Variants in PDS5A observed in about 807,000 individuals in gnomAD.
The protein encoded by PDS5A is PDS5 cohesin associated factor A.
A neutral mutation model predicts 167.1 loss-of-function variants in PDS5A; 42 were observed. The observed-to-expected ratio is 0.25, with a 90% CI of 0.20 to 0.33. PDS5A has a LOEUF of 0.33. Ranked by LOEUF, PDS5A falls within the 10% of genes least tolerant of loss-of-function variation. The pLI is 1.00. For missense variants in PDS5A, 1,033 were observed against 1,605.9 expected, an observed-to-expected ratio of 0.64 and a Z score of 6.10; for synonymous variants, 553 against 554.6, an observed-to-expected ratio of 1.00 and a Z score of 0.04.
intron 3 of PDS5A, 55 bp downstream of exon 3, chr4:39,927,906 C>A: frequency 1.7e-6 from 2 of 1,183,754 alleles, no homozygotes; most frequent in South Asian, 1.3e-5. Context: ...TAAAAGTATA[C>A]CTTCTGAACA....
In PDS5A at chr4:39,968,433, AT is replaced by A. The variant is rs375287668; in HGVS notation, c.138+8006del. Among the ~76,000 whole-genome samples, 1,220 of 134,552 alleles carry A rather than the reference AT, an allele frequency of 9.1e-3. 8 individuals carry two copies. Among genetic ancestry groups the A allele is most frequent in the South Asian group, 0.024 (103 of 4,268 alleles). The allele number at this position is 134,552 out of a possible 152,430, so 88.3% of individuals were successfully genotyped here. ...CTTAGATTACTTAATTATAATATTA[AT>A]TTTTTTTTTTTTTTTGAGACAGAGT... On this transcript the variant is annotated intron_variant, in intron 2 of 32. Transcript: ENST00000303538.
chr4:39,905,568 CA>C (rs1448896201), intron 11 of PDS5A, among the ~76,000 whole-genome samples: 1 of 151,656 alleles, frequency 6.6e-6, no homozygotes, highest in Non-Finnish European at 1.5e-5. Flanking sequence ...AACAAAAAAA[CA>C]AAAAACAAAA....
chr4:39,917,821 G>C (rs1459429070), intron 7 of PDS5A, among the ~76,000 whole-genome samples: 1 of 152,010 alleles, frequency 6.6e-6, no homozygotes, highest in Non-Finnish European at 1.5e-5. Context: ...GTGATCTACA[G>C]GCCTCGGCCT....
At chr4:39,888,917 AT>A (rs1721729226) in intron 17 of PDS5A, among the ~76,000 whole-genome samples, 1 of 152,210 alleles carries the variant, frequency 6.6e-6, no homozygotes, top group Admixed American at 6.5e-5. Context: ...ATAAAGATGA[AT>A]ATTTAAGGTG....
intron 6 of PDS5A, among the ~76,000 whole-genome samples, chr4:39,921,966 G>C (rs1578747959): frequency 6.6e-6 from 1 of 152,166 alleles, no homozygotes; most frequent in Non-Finnish European, 1.5e-5. Flanking sequence ...TAATTGGACA[G>C]ATTTTTCCTC....
chr4:39,919,740 A>C (rs1039763530), intron 7 of PDS5A, among the ~76,000 whole-genome samples: 6 of 152,238 alleles, frequency 3.9e-5, no homozygotes, highest in Non-Finnish European at 8.8e-5. Flanking sequence ...GTGAGATTGC[A>C]AACTTTTTTT....
intron 2 of PDS5A, among the ~76,000 whole-genome samples, chr4:39,944,706 A>C (rs917472455): frequency 1.5e-4 from 23 of 151,754 alleles, no homozygotes; most frequent in East Asian, 3.8e-4. Context: ...AAAAAAAAAA[A>C]AAAAACAAAA....
chr4:39,866,046 A>T (rs781269930), intron 23 of PDS5A, among the ~76,000 whole-genome samples: 30 of 152,222 alleles, frequency 2.0e-4, no homozygotes, highest in Non-Finnish European at 3.8e-4. Flanking sequence ...ACAAGTGTAC[A>T]CACCCAAATC....
chr4:39,846,160 A>G (rs750852598), intron 28 of PDS5A: 6 of 194,606 alleles, frequency 3.1e-5, no homozygotes, highest in Non-Finnish European at 6.2e-5. Flanking sequence ...ATACGGTTCA[A>G]TGCAGTTTAT....
intron 2 of PDS5A, among the ~76,000 whole-genome samples, chr4:39,960,346 A>C (rs1729367345): frequency 6.6e-6 from 1 of 152,208 alleles, no homozygotes; most frequent in Non-Finnish European, 1.5e-5. Context: ...ATATCACATA[A>C]TACACAAAAA....
intron 6 of PDS5A, among the ~76,000 whole-genome samples, chr4:39,921,601 A>G (rs1218527863): frequency 6.6e-6 from 1 of 150,654 alleles, no homozygotes. Context: ...AAAAAAAAAA[A>G]AAAAGCCAGG....
intron 22 of PDS5A, chr4:39,868,640 T>A: frequency 2.2e-6 from 1 of 453,398 alleles, no homozygotes; most frequent in Non-Finnish European, 4.4e-6. Context: ...AACTAAATTA[T>A]TTTTAATATT....
chr4:39,871,016 A>G (rs1578641967), intron 21 of PDS5A, among the ~76,000 whole-genome samples: 1 of 152,196 alleles, frequency 6.6e-6, no homozygotes, highest in African/African-American at 2.4e-5. Context: ...GATACATACT[A>G]CAACATGGAA....
intron 2 of PDS5A, among the ~76,000 whole-genome samples, chr4:39,944,344 AT>A (rs1325982463): frequency 6.6e-6 from 1 of 152,128 alleles, no homozygotes; most frequent in Non-Finnish European, 1.5e-5. Flanking sequence ...AATAGAAGTT[AT>A]TTTTAGCCTC....
At chr4:39,831,136 C>A (rs1289111011) in intron 32 of PDS5A, among the ~76,000 whole-genome samples, 1 of 152,202 alleles carries the variant, frequency 6.6e-6, no homozygotes, top group Non-Finnish European at 1.5e-5. Flanking sequence ...GTCATCCAGG[C>A]TGGAGTGCAT....
chr4:39,868,736 C>T, intron 22 of PDS5A: 1 of 453,462 alleles, frequency 2.2e-6, no homozygotes, highest in South Asian at 1.6e-5. Context: ...TCCCAAAGTG[C>T]TGGGATAATA....
At chr4:39,941,827 G>C (rs539957358) in intron 2 of PDS5A, among the ~76,000 whole-genome samples, 1 of 152,254 alleles carries the variant, frequency 6.6e-6, no homozygotes, top group East Asian at 1.9e-4. Context: ...AGGCTGAAGA[G>C]GGAGGAGCCC....
At chr4:39,940,377 G>A (rs920079260) in intron 2 of PDS5A, among the ~76,000 whole-genome samples, 1 of 152,036 alleles carries the variant, frequency 6.6e-6, no homozygotes, top group African/African-American at 2.4e-5. Context: ...CAACTTCTGG[G>A]GGTGCTGATG....
chr4:39,836,768 AATG>A (rs1227629698), intron 32 of PDS5A, among the ~76,000 whole-genome samples: 5 of 149,576 alleles, frequency 3.3e-5, no homozygotes, highest in Admixed American at 2.7e-4. Context: ...CCAGCTCATA[AATG>A]ATAATATTTT....
Sources: gnomAD v4.1 joint callset for allele counts (sites outside exome capture counted in the v4.1 genomes callset) on GRCh38, gnomAD v4.1.1 for gene constraint, MANE v1.5 for transcripts, NCBI Gene and HGNC (gene_info 2026-07-23, HGNC 2026-07-21) for gene names.